The following ZNF804B variants were observed in gnomAD, a reference collection of about 807,000 sequenced individuals.
ZNF804B encodes zinc finger 804B.
Under a neutral mutation model 101.4 loss-of-function variants are expected in ZNF804B, and 80 were observed. The observed-to-expected ratio is 0.79, with a 90% CI of 0.66 to 0.95. The LOEUF is 0.95. Among genes scored for constraint, ZNF804B ranks in the 40% least tolerant of loss-of-function variants. The probability of loss-of-function intolerance (pLI) is 0.00; values close to 1 mark genes in which losing one functional copy is unlikely to be tolerated. For synonymous variants in ZNF804B, 622 were observed against 558.8 expected, an observed-to-expected ratio of 1.11 and a Z score of -1.59; for missense variants, 1,673 against 1,561.9, an observed-to-expected ratio of 1.07 and a Z score of -1.20.
intron 1 of ZNF804B, among the ~76,000 whole-genome samples, chr7:88,954,563 C>CCCA (rs1554349350): frequency 1.3e-5 from 2 of 151,210 alleles, no homozygotes; most frequent in African/African-American, 2.4e-5. Flanking sequence ...ATGCCCCCCC[C>CCCA]CCACCACGGG....
chr7:89,022,862 A>G (rs896962389), intron 1 of ZNF804B, among the ~76,000 whole-genome samples: 1 of 152,204 alleles, frequency 6.6e-6, no homozygotes, highest in African/African-American at 2.4e-5. Flanking sequence ...TGGGAACTCG[A>G]ATATTTTAAG....
At chr7:89,205,167 C>G (rs1430939819) in intron 1 of ZNF804B, among the ~76,000 whole-genome samples, 1 of 152,140 alleles carries the variant, frequency 6.6e-6, no homozygotes, top group Non-Finnish European at 1.5e-5. Context: ...AACCTACCCT[C>G]CATGATTCAA....
intron 2 of ZNF804B, among the ~76,000 whole-genome samples, chr7:89,303,627 A>G (rs1790517029): frequency 6.6e-6 from 1 of 151,942 alleles, no homozygotes; most frequent in African/African-American, 2.4e-5. Flanking sequence ...AGAGTTTGGG[A>G]AAAATTAAAT....
chr7:89,215,495 A>T (rs562237586), intron 1 of ZNF804B, among the ~76,000 whole-genome samples: 1 of 151,744 alleles, frequency 6.6e-6, no homozygotes, highest in South Asian at 2.1e-4. Context: ...ACACCAGCTC[A>T]TGAGGCTAAG....
At chr7:89,039,173 ACTT>A (rs1022218622) in intron 1 of ZNF804B, among the ~76,000 whole-genome samples, 1 of 151,782 alleles carries the variant, frequency 6.6e-6, no homozygotes, top group Non-Finnish European at 1.5e-5. Flanking sequence ...GTTTTATACT[ACTT>A]TTAGGAATTT....
intron 1 of ZNF804B, among the ~76,000 whole-genome samples, chr7:88,816,981 C>T (rs536772541): frequency 1.3e-5 from 2 of 150,604 alleles, no homozygotes; most frequent in Non-Finnish European, 2.9e-5. Flanking sequence ...TGGAACCAAC[C>T]CAAATGTCCA....
At chr7:88,973,605 T>A (rs892944037) in intron 1 of ZNF804B, among the ~76,000 whole-genome samples, 1 of 151,320 alleles carries the variant, frequency 6.6e-6, no homozygotes, top group Admixed American at 6.6e-5. Context: ...GACATAGATA[T>A]GCCATTAGCA....
rs533599164 is a variant in ZNF804B at position 89,156,342 on chromosome 7, C to T, written c.109-61813C>T. Among the ~76,000 whole-genome samples the T allele has an allele frequency of 4.6e-5, 7 of 152,060 alleles. No individual in the cohort carries two copies. In the South Asian group the frequency reaches 8.3e-4, roughly 18 times the overall value. On this transcript the variant is annotated intron_variant, in intron 1 of 3. Transcript: ENST00000333190. ...GTTGGTCTGGCTGATCTCAAACTCC[C>T]GACCTCTGGTGATCCACCTGCCTTG...
intron 1 of ZNF804B, among the ~76,000 whole-genome samples, chr7:88,801,835 A>C (rs1790595491): frequency 6.6e-6 from 1 of 152,188 alleles, no homozygotes; most frequent in Non-Finnish European, 1.5e-5. Flanking sequence ...ATTTTGAAGA[A>C]TATTTCAAGG....
intron 1 of ZNF804B, among the ~76,000 whole-genome samples, chr7:88,969,364 T>C (rs901040415): frequency 8.6e-5 from 13 of 151,546 alleles, no homozygotes; most frequent in African/African-American, 3.1e-4. Context: ...AATTGATGAG[T>C]ATGTGAGATG....
At chr7:88,947,194 T>C (rs766357217) in intron 1 of ZNF804B, among the ~76,000 whole-genome samples, 1 of 152,042 alleles carries the variant, frequency 6.6e-6, no homozygotes, top group Non-Finnish European at 1.5e-5. Context: ...TAAATCATTC[T>C]ACTATAAAGA....
intron 2 of ZNF804B, among the ~76,000 whole-genome samples, chr7:89,238,476 A>G (rs2115756314): frequency 6.6e-6 from 1 of 152,318 alleles, no homozygotes; most frequent in African/African-American, 2.4e-5. Flanking sequence ...AGACAATATT[A>G]CATCCCACTG....
chr7:89,171,288 G>GCTGCTGCTTCTTCTTCTTCTTCTT (rs1215246589), intron 1 of ZNF804B, among the ~76,000 whole-genome samples: 12 of 82,546 alleles, frequency 1.5e-4, no homozygotes, highest in African/African-American at 5.8e-4. Flanking sequence ...TGCTGCTGCT[G>GCTGCTGCTTCTTCTTCTTCTTCTT]CTTCTTCTTC....
intron 2 of ZNF804B, among the ~76,000 whole-genome samples, chr7:89,233,569 C>A (rs1789231707): frequency 1.3e-5 from 2 of 151,950 alleles, no homozygotes; most frequent in Admixed American, 6.5e-5. Flanking sequence ...AAGCCTACCT[C>A]AATGTGGGGG....
At chr7:89,169,376 C>A (rs946564457) in intron 1 of ZNF804B, among the ~76,000 whole-genome samples, 1 of 152,160 alleles carries the variant, frequency 6.6e-6, no homozygotes. Flanking sequence ...TGCTCTCAGG[C>A]AATATATGAT....
intron 1 of ZNF804B, among the ~76,000 whole-genome samples, chr7:88,971,751 C>T (rs929343295): frequency 6.6e-6 from 1 of 151,550 alleles, no homozygotes; most frequent in African/African-American, 2.4e-5. Context: ...ATAATTTTTA[C>T]AATATTACCC....
At chr7:89,109,331 T>G (rs1410509604) in intron 1 of ZNF804B, among the ~76,000 whole-genome samples, 1 of 152,210 alleles carries the variant, frequency 6.6e-6, no homozygotes. Flanking sequence ...TGAAGAGTTA[T>G]GAGAATAGCC....
At chr7:89,328,972 C>A (rs801834) in intron 3 of ZNF804B, among the ~76,000 whole-genome samples, 1 of 151,312 alleles carries the variant, frequency 6.6e-6, no homozygotes, top group Admixed American at 6.6e-5. Flanking sequence ...GATAATGATG[C>A]TGATGATGAT....
chr7:88,895,546 G>A (rs1220275121), intron 1 of ZNF804B, among the ~76,000 whole-genome samples: 1 of 152,184 alleles, frequency 6.6e-6, no homozygotes, highest in Non-Finnish European at 1.5e-5. Context: ...TTAGCAATGA[G>A]CACATCCAGC....
Sources: gnomAD v4.1 joint callset for allele counts (sites outside exome capture counted in the v4.1 genomes callset) on GRCh38, gnomAD v4.1.1 for gene constraint, MANE v1.5 for transcripts, NCBI Gene and HGNC (gene_info 2026-07-23, HGNC 2026-07-21) for gene names.